MSH5: variants seen among roughly 807,000 people sequenced by gnomAD.
MSH5 encodes mutS homolog 5.
In MSH5, 78 loss-of-function variants were observed where a neutral mutation model predicts 107.7. The observed-to-expected ratio is 0.72, with a 90% CI of 0.60 to 0.87. The LOEUF (loss-of-function observed/expected upper bound fraction) is 0.87, where lower values mean the gene tolerates loss of function less well. MSH5 is among the 40% of genes least tolerant of loss of function. The pLI, the probability that MSH5 is intolerant of heterozygous loss-of-function variation, is 0.00. For missense variants in MSH5, 889 were observed against 1,046.6 expected, an observed-to-expected ratio of 0.85 and a Z score of 2.08; for synonymous variants, 326 against 399.5, an observed-to-expected ratio of 0.82 and a Z score of 2.19.
intron 10 of MSH5, among the ~76,000 whole-genome samples, chr6:31,749,784 T>A (rs1253133842): frequency 6.6e-6 from 1 of 152,196 alleles, no homozygotes; most frequent in African/African-American, 2.4e-5. Context: ...CATGGTCTTG[T>A]ACATAGTAGC....
In MSH5 at chr6:31,760,912, C is replaced by T; in HGVS notation, c.1962+73C>T. ...AAGGAACCCCTGAAAATGCTCATAA[C>T]AGGAAAGCATGCCCTCTGCTGCATG... is the stretch of plus-strand genomic sequence containing the variant. On this transcript the variant is annotated intron_variant, in intron 20 of 24. Transcript: ENST00000375750. The surrounding 1 kb of genome is among the most constrained non-coding windows in gnomAD (Gnocchi z 5.6). 6.6e-7 allele frequency: 1 copy of T among 1,519,322 alleles called. No homozygotes were observed. The highest frequency in any genetic ancestry group is 8.9e-7 in the Non-Finnish European group (1 of 1,120,228). 94.1% of individuals were successfully genotyped at this position (1,519,322 alleles called of 1,614,324 possible).
intron 10 of MSH5, 40 bp from the exon 11 acceptor site, chr6:31,753,261 A>G (rs1169178315): frequency 1.9e-6 from 3 of 1,563,890 alleles, no homozygotes; most frequent in Non-Finnish European, 2.6e-6. Context: ...AAGATGATAG[A>G]TGTAACTTGT....
At chr6:31,745,433 T>G in intron 9 of MSH5, 114 bp downstream of exon 9, 2 of 719,806 alleles carry the variant, frequency 2.8e-6, no homozygotes, top group Non-Finnish European at 4.7e-6. Flanking sequence ...CAGATATCTC[T>G]TTCATGCCAA....
intron 9 of MSH5, 110 bp from the exon 10 acceptor site, chr6:31,747,277 C>T: frequency 8.4e-7 from 1 of 1,186,374 alleles, no homozygotes; most frequent in Non-Finnish European, 1.2e-6. Context: ...AGGCCAGCTT[C>T]CTCAACAACC....
chr6:31,745,685 G>T (rs560171018), intron 9 of MSH5, among the ~76,000 whole-genome samples: 1 of 151,176 alleles, frequency 6.6e-6, no homozygotes, highest in African/African-American at 2.4e-5. Context: ...GTCTTTATCA[G>T]TTGTCTCTGG....
In MSH5 at chr6:31,760,594, G is replaced by A; in HGVS notation, c.1813-96G>A. The stretch of plus-strand genomic sequence containing the variant: ...TTACCTATTTCTCCTGTTTCACCCT[G>A]TCCATTTCTCTTTGATGTGCCATTC... On this transcript the variant is annotated intron_variant, in intron 19 of 24. Coordinates refer to ENST00000375750, the MANE Select transcript of MSH5 (RefSeq NM_172166.4). This position sits in a 1 kb window ranked among gnomAD's most constrained non-coding sequence, Gnocchi z 5.6. 1.3e-6 allele frequency: 2 copies of A among 1,494,104 alleles called. No homozygotes were observed. The highest frequency in any genetic ancestry group is 3.3e-5 in the Admixed American group (2 of 59,766). 92.6% of individuals were successfully genotyped at this position (1,494,104 alleles called of 1,614,324 possible).
intron 6 of MSH5, 36 bp downstream of exon 6, chr6:31,744,061 G>A (rs780221719): frequency 3.0e-5 from 48 of 1,612,458 alleles, no homozygotes; most frequent in African/African-American, 1.7e-4. Context: ...GCTGGGAGGC[G>A]GCACAAGTGC....
chr6:31,750,482 G>A (rs1178684811), intron 10 of MSH5, among the ~76,000 whole-genome samples: 2 of 152,290 alleles, frequency 1.3e-5, no homozygotes, highest in South Asian at 2.1e-4. Flanking sequence ...TCTCATTGGC[G>A]GTATGACTTT....
rs770429409 is a variant in MSH5, at chr6:31,759,113, C to T, written c.1343C>T (p.Ser448Phe). 1 of 1,612,994 alleles carries T rather than the reference C, an allele frequency of 6.2e-7. No homozygotes were observed. Among genetic ancestry groups the T allele is most frequent in the Non-Finnish European group, 8.5e-7 (1 of 1,180,004 alleles). The change falls in exon 16 of 25, where the codon TCT (serine) becomes TTT (phenylalanine). Residue 448 changes from serine (S) to phenylalanine (F), a missense_variant. By Grantham distance (155) the Ser-to-Phe change is radical. This residue lies in a region of MSH5 where 518 missense variants were observed against 565.0 expected (regional missense o/e 0.92). Transcript: ENST00000375750. This position sits in a 1 kb window ranked among gnomAD's most constrained non-coding sequence, Gnocchi z 4.7. ...IYIPLIGFLLSIPRLPSMVEA... is the reference protein window; with the variant it reads ...IYIPLIGFLLFIPRLPSMVEA... ...TCTCCCCAGATTGGCTTCCTTCTTTCTATTCCCCGCCTGCCTTCCATGGTA... is the reference window on the plus strand; with the variant it reads ...TCTCCCCAGATTGGCTTCCTTCTTTTTATTCCCCGCCTGCCTTCCATGGTA...
chr6:31,741,177 G>A lies in MSH5; in HGVS notation c.162G>A (p.Val54=). The A allele has an allele frequency of 6.2e-7, 1 of 1,612,962 alleles. No individual in the cohort carries two copies. Among genetic ancestry groups the A allele is most frequent in the Non-Finnish European group, 8.5e-7 (1 of 1,179,992 alleles). ...EEELAEIHLC[V]LWNSGYLGIA... ...TTGCTGGACAGATCCATCTGTGTGT[G>A]CTGTGGAATTCAGGATACTTGGGCA... The change falls in exon 3 of 25, where the codon GTG becomes GTA. Residue 54 remains valine, a synonymous_variant. Coordinates refer to ENST00000375750, the MANE Select transcript of MSH5 (RefSeq NM_172166.4).
At chr6:31,741,990 C>T (rs952969943) in intron 3 of MSH5, among the ~76,000 whole-genome samples, 5 of 152,064 alleles carry the variant, frequency 3.3e-5, no homozygotes, top group African/African-American at 1.2e-4. Flanking sequence ...ACCTCTCACT[C>T]ATACCCACCA....
At chr6:31,753,263 G>T (rs780313851) in intron 10 of MSH5, 38 bp from the exon 11 acceptor site, 1 of 1,563,656 alleles carries the variant, frequency 6.4e-7, no homozygotes, top group Admixed American at 1.8e-5. Context: ...GATGATAGAT[G>T]TAACTTGTAG....
chr6:31,741,820 A>G (rs1250889007), intron 3 of MSH5, among the ~76,000 whole-genome samples: 1 of 152,172 alleles, frequency 6.6e-6, no homozygotes, highest in Non-Finnish European at 1.5e-5. Flanking sequence ...GGAAAGCTCA[A>G]AATTGGGCAT....
intron 3 of MSH5, 88 bp downstream of exon 3, chr6:31,741,374 C>T (rs1013238201): frequency 5.9e-6 from 5 of 851,642 alleles, no homozygotes; most frequent in South Asian, 3.5e-5. Flanking sequence ...CACACACACA[C>T]ACACACACAT....
rs1244332259 is a variant in MSH5 at position 31,743,072 on chromosome 6, G to A, written c.353-36G>A. The stretch of plus-strand genomic sequence containing the variant: ...CAGACAGAGGTAGAAGGACTGAGAT[G>A]TAAAGAATGATAGCCTTTTCTTTCC... On this transcript the variant is annotated intron_variant, in intron 4 of 24. Coordinates refer to ENST00000375750, the MANE Select transcript of MSH5 (RefSeq NM_172166.4). The A allele has an allele frequency of 8.1e-6, 13 of 1,612,314 alleles. No homozygotes were observed. The African/African-American group carries it at 1.6e-4, about 20-fold the overall frequency.
chr6:31,740,546 C>G lies in MSH5; in HGVS notation c.80C>G (p.Pro27Arg). 6.5e-7 allele frequency: 1 copy of G among 1,530,046 alleles called. No homozygotes were observed. The highest frequency in any genetic ancestry group is 8.8e-7 in the Non-Finnish European group (1 of 1,139,330). 94.8% of individuals were successfully genotyped at this position (1,530,046 alleles called of 1,614,324 possible). A position where few individuals can be genotyped will look rare whatever the true frequency, so the allele number is the denominator to read the frequency against. The stretch of plus-strand genomic sequence containing the variant: ...GCGGCCTCCTCCGGCTTCCCCAGCC[C>G]GGCCCCAGTGCCGGGCCCCAGGGAG... The part of the protein sequence containing the change: ...PGAASSGFPS[P>R]APVPGPREAE... The change falls in exon 2 of 25, where the codon CCG becomes CGG. Residue 27 changes from proline (P) to arginine (R), a missense_variant. Physicochemically the swap from Pro to Arg is moderately radical, Grantham distance 103 (BLOSUM62 -2). Around this residue, in one of 3 missense-constraint regions of MSH5, gnomAD observed 518 missense variants for 565.0 expected, o/e 0.92. Transcript: ENST00000375750. The surrounding 1 kb of genome is among the most constrained non-coding windows in gnomAD (Gnocchi z 4.4).
At chr6:31,745,966 C>T (rs749859726) in intron 9 of MSH5, among the ~76,000 whole-genome samples, 1 of 151,942 alleles carries the variant, frequency 6.6e-6, no homozygotes, top group Non-Finnish European at 1.5e-5. Context: ...ACGGGTTTCA[C>T]TGTGTTAGCC....
rs1808821616 is a variant in MSH5 at position 31,741,062 on chromosome 6, ATC to A, written c.148-98_148-97del. On this transcript the variant is annotated intron_variant, in intron 2 of 24. Coordinates refer to ENST00000375750, the MANE Select transcript of MSH5 (RefSeq NM_172166.4). ...TCACTAAATGGGGGTGATGATGCCT[ATC>A]TCAGAGATTTGAGAAAATGATTAAA... is the stretch of plus-strand genomic sequence containing the variant. The A allele has an allele frequency of 1.4e-5, 20 of 1,444,652 alleles. No individual in the cohort carries two copies. The South Asian group carries it at 2.5e-4, about 18-fold the overall frequency. 89.5% of individuals were successfully genotyped at this position (1,444,652 alleles called of 1,614,324 possible).
intron 8 of MSH5, 102 bp from the exon 9 acceptor site, chr6:31,745,135 C>CTCAGGAGGATA (rs1809309269): frequency 1.7e-6 from 1 of 602,380 alleles, no homozygotes; most frequent in Admixed American, 2.8e-5. Flanking sequence ...AAGACGTGAT[C>CTCAGGAGGATA]TCAGGAGGAT....
Sources: allele counts gnomAD v4.1 joint callset (sites outside exome capture counted in the v4.1 genomes callset), GRCh38; gene constraint gnomAD v4.1.1; regional missense constraint gnomAD v4.1.1; non-coding constraint Gnocchi (gnomAD v3.1); transcripts MANE v1.5; gene names NCBI Gene and HGNC (gene_info 2026-07-23, HGNC 2026-07-21).